The following KDR variants were observed in gnomAD, a reference collection of about 807,000 sequenced individuals.
KDR encodes vascular endothelial growth factor receptor 2.
In KDR, 43 loss-of-function variants were observed where a neutral mutation model predicts 160.9. The ratio of observed to expected loss-of-function variants is 0.27; its 90% CI spans 0.21 to 0.34. The LOEUF (loss-of-function observed/expected upper bound fraction) is 0.34. Among genes scored for constraint, KDR ranks in the 10% least tolerant of loss-of-function variants. The pLI, the probability that KDR is intolerant of heterozygous loss-of-function variation, is 1.00. For missense variants in KDR, 1,469 were observed against 1,666.4 expected (o/e 0.88, Z 2.06); for synonymous variants, 617 against 600.1 (o/e 1.03, Z -0.41).
At chr4:55,109,760 C>A (rs1013943225) in intron 9 of KDR, among the ~76,000 whole-genome samples, 2 of 152,150 alleles carry the variant, frequency 1.3e-5, no homozygotes, top group Admixed American at 6.5e-5. Context: ...ACTCACTTGA[C>A]CATGGCACCC....
Position 55,104,625 on chromosome 4 carries a change from C to T in KDR, c.1987+18G>A, listed in dbSNP as rs750374928. The T allele has an allele frequency of 6.9e-6, 11 of 1,602,776 alleles. No individual in the cohort carries two copies. The highest frequency in any genetic ancestry group is 9.4e-6 in the Non-Finnish European group (11 of 1,170,988). On this transcript the variant is annotated intron_variant, in intron 13 of 29. Transcript: ENST00000263923. ...ATTCCAACTGCCTCTGCACAATGAT[C>T]CAGAATTGTCTCCCTACCTAGGACT...
At chr4:55,117,431 G>T (rs1720762664) in intron 3 of KDR, among the ~76,000 whole-genome samples, 2 of 152,180 alleles carry the variant, frequency 1.3e-5, no homozygotes, top group Admixed American at 1.3e-4. Context: ...TGTGAGCCTT[G>T]TCTCTTTCAA....
chr4:55,105,720 C>T (rs771835558), intron 12 of KDR, 112 bp downstream of exon 12: 14 of 787,260 alleles, frequency 1.8e-5, no homozygotes, highest in Non-Finnish European at 3.0e-5. Flanking sequence ...TCCAAGTCCT[C>T]TTTCCTAAAT....
At chr4:55,084,561 A>T (rs757629808) in intron 27 of KDR, among the ~76,000 whole-genome samples, 2 of 152,180 alleles carry the variant, frequency 1.3e-5, no homozygotes, top group Non-Finnish European at 2.9e-5. Context: ...GTTTCTCCTA[A>T]GACGGAGAAA....
At chr4:55,120,517 T>A (rs766269211) in intron 2 of KDR, among the ~76,000 whole-genome samples, 4 of 152,190 alleles carry the variant, frequency 2.6e-5, no homozygotes, top group Non-Finnish European at 5.9e-5. Context: ...GAAAGATGCA[T>A]TCCAGAATAT....
intron 7 of KDR, among the ~76,000 whole-genome samples, chr4:55,112,690 G>A (rs924269707): frequency 1.5e-4 from 23 of 151,910 alleles, no homozygotes; most frequent in African/African-American, 5.3e-4. Context: ...CACCACACCA[G>A]GCTAATTTTT....
At chr4:55,095,020 C>A (rs928616617) in intron 20 of KDR, 65 bp from the exon 21 acceptor site, 41 of 1,477,910 alleles carry the variant, frequency 2.8e-5, no homozygotes, top group Non-Finnish European at 3.7e-5. Flanking sequence ...AAGTTTACAA[C>A]CTTTAAAATG....
chr4:55,094,220 A>C (rs566004384), intron 21 of KDR, among the ~76,000 whole-genome samples: 2 of 152,242 alleles, frequency 1.3e-5, no homozygotes, highest in Admixed American at 6.5e-5. Flanking sequence ...AAAAAATAAA[A>C]ATAAACATAA....
In KDR at chr4:55,081,993, T is replaced by G. The variant is rs1288930961; in HGVS notation, c.3811A>C (p.Thr1271Pro). ...GMVLASEELK[T>P]LEDRTKLSPS... Reference sequence around the variant, plus strand: ...GATAATTTGGTTCTGTCTTCCAAAGTTTTCAGCTCTTCTGAGGCAAGAACC... The same window carrying G: ...GATAATTTGGTTCTGTCTTCCAAAGGTTTCAGCTCTTCTGAGGCAAGAACC... Residue 1271 changes from threonine (T) to proline (P), a missense_variant, in exon 29 of 30, where the codon ACT (threonine) becomes CCT (proline). Physicochemically the swap from Thr to Pro is conservative, Grantham distance 38. Around this residue, in one of 7 missense-constraint regions of KDR, gnomAD observed 229 missense variants for 197.8 expected, o/e 1.16. Coordinates refer to ENST00000263923, the MANE Select transcript of KDR (RefSeq NM_002253.4). 1 of 1,613,964 alleles carries G rather than the reference T, an allele frequency of 6.2e-7. No individual in the cohort carries two copies. The highest frequency in any genetic ancestry group is 8.5e-7 in the Non-Finnish European group (1 of 1,179,830).
rs1161347839 is a variant in KDR at position 55,110,730 on chromosome 4, G to C, written c.1015C>G (p.Leu339Val). The C allele has an allele frequency of 6.2e-7, 1 of 1,611,998 alleles. No homozygotes were observed. The highest frequency in any genetic ancestry group is 8.5e-7 in the Non-Finnish European group (1 of 1,179,752). ...FVAFGSGMES[L>V]VEATVGERVR... ...CGCTCCCCCACCGTGGCTTCCACCA[G>C]AGATTCCATGCCACTTCCAAAAGCA... The change falls in exon 8 of 30, where the codon CTG becomes GTG. Residue 339 changes from leucine (L) to valine (V), a missense_variant. Coordinates refer to ENST00000263923, the MANE Select transcript of KDR (RefSeq NM_002253.4).
intron 7 of KDR, among the ~76,000 whole-genome samples, chr4:55,112,499 G>A (rs763890953): frequency 6.7e-6 from 1 of 148,328 alleles, no homozygotes; most frequent in Non-Finnish European, 1.5e-5. Context: ...GTTATGTTTT[G>A]TGGAAGTCAA....
rs1215999843 is a variant in KDR, at chr4:55,105,826, A to T, written c.1645+6T>A. On this transcript the variant is annotated splice_donor_region_variant and intron_variant, in intron 12 of 29. Transcript: ENST00000263923. ...CCAACCCAAACCTCCAGAGAAGAGT[A>T]CTTACTGGTCACGTGGAAGGAGATC... 6.5e-7 allele frequency: 1 copy of T among 1,541,818 alleles called. No individual in the cohort carries two copies. Among genetic ancestry groups the T allele is most frequent in the Non-Finnish European group, 9.0e-7 (1 of 1,114,068 alleles).
intron 21 of KDR, among the ~76,000 whole-genome samples, chr4:55,094,500 T>G (rs1477517271): frequency 2.0e-5 from 3 of 152,306 alleles, no homozygotes; most frequent in African/African-American, 7.2e-5. Flanking sequence ...ACTTGTGGCC[T>G]CTCTCACTAA....
chr4:55,089,315 A>G (rs972478210), intron 25 of KDR, 59 bp downstream of exon 25: 1 of 1,252,434 alleles, frequency 8.0e-7, no homozygotes, highest in Non-Finnish European at 1.2e-6. Flanking sequence ...AAAGTCTTCC[A>G]GGCAAGGAGA....
intron 2 of KDR, among the ~76,000 whole-genome samples, chr4:55,120,880 T>G (rs1720854745): frequency 6.6e-6 from 1 of 150,982 alleles, no homozygotes. Flanking sequence ...GTATGCATGT[T>G]GGCAGAGAAT....
At chr4:55,125,187 C>G in intron 1 of KDR, 40 bp downstream of exon 1, 1 of 1,586,990 alleles carries the variant, frequency 6.3e-7, no homozygotes, top group Non-Finnish European at 8.6e-7. Context: ...CCGCCCTCAC[C>G]CGACCTGTCT....
intron 9 of KDR, 62 bp downstream of exon 9, chr4:55,110,341 T>A: frequency 6.4e-7 from 1 of 1,556,274 alleles, no homozygotes; most frequent in East Asian, 2.2e-5. Flanking sequence ...GTGGTTTGGC[T>A]GATTTGGAAG....
rs1490167967 is a variant in KDR, at chr4:55,082,653, T to C, written c.3663-18A>G. The C allele has an allele frequency of 6.3e-7, 1 of 1,597,414 alleles. No individual in the cohort carries two copies. The highest frequency in any genetic ancestry group is 8.6e-7 in the Non-Finnish European group (1 of 1,165,138). On this transcript the variant is annotated intron_variant, in intron 27 of 29. Coordinates refer to ENST00000263923, the MANE Select transcript of KDR (RefSeq NM_002253.4). ...GATACTGACTGCAAAAGAACAAATA[T>C]TTATATTTTAGTGGTGGTATATTTG...
intron 1 of KDR, among the ~76,000 whole-genome samples, chr4:55,124,577 T>C (rs1023785565): frequency 1.3e-5 from 2 of 152,140 alleles, no homozygotes; most frequent in Non-Finnish European, 2.9e-5. Flanking sequence ...TGGAGACCCT[T>C]GGGGAAGCTG....
Sources: allele counts gnomAD v4.1 joint callset (sites outside exome capture counted in the v4.1 genomes callset), GRCh38; gene constraint gnomAD v4.1.1; regional missense constraint gnomAD v4.1.1; transcripts MANE v1.5; gene names NCBI Gene and HGNC (gene_info 2026-07-23, HGNC 2026-07-21).